SLC26A7: variants seen among roughly 807,000 people sequenced by gnomAD.
The protein encoded by SLC26A7 is anion exchange transporter.
Under a neutral mutation model 82.5 loss-of-function variants are expected in SLC26A7, and 59 were observed. The ratio of observed to expected loss-of-function variants is 0.72; its 90% CI spans 0.58 to 0.89. The LOEUF (loss-of-function observed/expected upper bound fraction) is 0.89. Among genes scored for constraint, SLC26A7 ranks in the 40% least tolerant of loss-of-function variants. The pLI is 0.00. For synonymous variants in SLC26A7, 271 were observed against 274.3 expected (o/e 0.99, Z 0.12); for missense variants, 820 against 793.0 (o/e 1.03, Z -0.41).
intron 6 of SLC26A7, among the ~76,000 whole-genome samples, chr8:91,334,773 G>A (rs561366666): frequency 9.2e-5 from 14 of 152,196 alleles, no homozygotes; most frequent in African/African-American, 3.4e-4. Flanking sequence ...TCTCTGGCAT[G>A]ATCTTCTGTA....
intron 8 of SLC26A7, among the ~76,000 whole-genome samples, chr8:91,341,044 A>T (rs1266007154): frequency 6.6e-6 from 1 of 150,878 alleles, no homozygotes; most frequent in Non-Finnish European, 1.5e-5. Context: ...TGTGCAGGTT[A>T]GTTACATATG....
upstream of SLC26A7, among the ~76,000 whole-genome samples, chr8:91,245,848 T>C (rs547130732): frequency 3.9e-5 from 6 of 152,316 alleles, no homozygotes; most frequent in Non-Finnish European, 7.4e-5. Context: ...CACTTCATAA[T>C]TGCCGCAGAG....
chr8:91,342,554 C>G (rs1813450326), intron 8 of SLC26A7, among the ~76,000 whole-genome samples: 1 of 152,228 alleles, frequency 6.6e-6, no homozygotes, highest in South Asian at 2.1e-4. Context: ...AAAGAAGGAG[C>G]AGAAAAATCA....
At chr8:91,361,470 C>T (rs1035227694) in intron 11 of SLC26A7, among the ~76,000 whole-genome samples, 2 of 152,008 alleles carry the variant, frequency 1.3e-5, no homozygotes, top group Admixed American at 6.6e-5. Flanking sequence ...TGTAGAATTG[C>T]AGTCAGAGGC....
chr8:91,256,706 T>C (rs998381889), intron 2 of SLC26A7, among the ~76,000 whole-genome samples: 1 of 152,166 alleles, frequency 6.6e-6, no homozygotes, highest in African/African-American at 2.4e-5. Flanking sequence ...GCTTTGTTTA[T>C]GTAGATTTAA....
intron 6 of SLC26A7, among the ~76,000 whole-genome samples, chr8:91,336,530 C>G (rs1056447835): frequency 2.1e-4 from 32 of 151,998 alleles, no homozygotes; most frequent in Non-Finnish European, 1.3e-4. Context: ...TCCCCCAACC[C>G]TGTTCGTGAA....
intron 2 of SLC26A7, among the ~76,000 whole-genome samples, chr8:91,268,183 A>G (rs1056457863): frequency 1.3e-5 from 2 of 151,704 alleles, no homozygotes; most frequent in South Asian, 2.1e-4. Flanking sequence ...TTCCTGGAGA[A>G]TGTTCCATTT....
chr8:91,273,198 G>C (rs553812265), intron 2 of SLC26A7, among the ~76,000 whole-genome samples: 1 of 152,162 alleles, frequency 6.6e-6, no homozygotes, highest in South Asian at 2.1e-4. Flanking sequence ...GGAGGGGTTG[G>C]TGGTGAGAGG....
chr8:91,343,499 G>C (rs1370916698), intron 9 of SLC26A7, 33 bp downstream of exon 9: 35 of 1,499,606 alleles, frequency 2.3e-5, no homozygotes, highest in Non-Finnish European at 3.0e-5. Flanking sequence ...ACAAAGCACT[G>C]CTGGGCCTTC....
In SLC26A7 at chr8:91,397,912, A is replaced by G. The variant is rs1808616563; in HGVS notation, c.*2815A>G. ...TCTGTATTTTGTGGGATGATAATCT[A>G]ATTCAGTATAGAATATGCTGTTTGG... is the stretch of plus-strand genomic sequence containing the variant. On this transcript the variant is annotated 3_prime_UTR_variant, in exon 19 of 19. Coordinates refer to ENST00000276609, the MANE Select transcript of SLC26A7 (RefSeq NM_052832.4). 6.6e-6 allele frequency: 1 copy of G among 152,548 alleles called. No homozygotes were observed. Among genetic ancestry groups the G allele is most frequent in the East Asian group, 1.9e-4 (1 of 5,198 alleles). 9.4% of individuals were successfully genotyped at this position (152,548 alleles called of 1,614,324 possible).
chr8:91,352,760 A>G (rs1439461557), intron 10 of SLC26A7, 141 bp from the exon 11 acceptor site: 1 of 565,036 alleles, frequency 1.8e-6, no homozygotes, highest in Non-Finnish European at 3.0e-6. Flanking sequence ...AACAAAATAA[A>G]TATTGCTTTT....
At chr8:91,294,252 AT>A (rs1811954470) in intron 3 of SLC26A7, among the ~76,000 whole-genome samples, 1 of 152,190 alleles carries the variant, frequency 6.6e-6, no homozygotes, top group Admixed American at 6.5e-5. Flanking sequence ...CTTCTATGAT[AT>A]GTGCTATATT....
chr8:91,332,092 T>C (rs987972089), intron 5 of SLC26A7, among the ~76,000 whole-genome samples: 2 of 150,166 alleles, frequency 1.3e-5, no homozygotes, highest in Middle Eastern at 3.7e-3. Context: ...TAATCTTTAA[T>C]ATTGGATAAT....
chr8:91,335,836 CAG>C (rs1302553175), intron 6 of SLC26A7, among the ~76,000 whole-genome samples: 2 of 152,122 alleles, frequency 1.3e-5, no homozygotes, highest in African/African-American at 4.8e-5. Context: ...CGGGTTAGAA[CAG>C]AGAATTTTCC....
intron 14 of SLC26A7, 30 bp downstream of exon 14, chr8:91,366,747 T>C (rs1343913459): frequency 6.3e-7 from 1 of 1,599,096 alleles, no homozygotes; most frequent in Non-Finnish European, 8.5e-7. Context: ...TAGAATGTCA[T>C]ACTACATGTA....
chr8:91,243,023 A>G (rs1328821000), intron 2 of SLC26A7, among the ~76,000 whole-genome samples: 2 of 152,224 alleles, frequency 1.3e-5, no homozygotes, highest in Admixed American at 1.3e-4. Context: ...TATAGAGAAT[A>G]TATCACTTAA....
At chr8:91,235,073 C>A (rs901796052) in intron 2 of SLC26A7, among the ~76,000 whole-genome samples, 2 of 152,038 alleles carry the variant, frequency 1.3e-5, no homozygotes, top group African/African-American at 4.8e-5. Context: ...GCATGAGTGA[C>A]CACGCGAGGC....
chr8:91,380,974 C>T (rs1438315339), intron 15 of SLC26A7, among the ~76,000 whole-genome samples: 3 of 151,952 alleles, frequency 2.0e-5, no homozygotes, highest in Non-Finnish European at 2.9e-5. Flanking sequence ...ATATGTTATA[C>T]TGACATAATA....
At chr8:91,362,532 T>C in intron 12 of SLC26A7, 73 bp downstream of exon 12, 2 of 1,092,326 alleles carry the variant, frequency 1.8e-6, no homozygotes, top group Non-Finnish European at 2.7e-6. Flanking sequence ...CATATGGTAC[T>C]TGCTAGTTAC....
Sources: allele counts gnomAD v4.1 joint callset (sites outside exome capture counted in the v4.1 genomes callset), GRCh38; gene constraint gnomAD v4.1.1; transcripts MANE v1.5; gene names NCBI Gene and HGNC (gene_info 2026-07-23, HGNC 2026-07-21).